The following SRGAP3 variants were observed in gnomAD, a reference collection of about 807,000 sequenced individuals.
The protein encoded by SRGAP3 is SLIT-ROBO Rho GTPase-activating protein 3.
A neutral mutation model predicts 121.1 loss-of-function variants in SRGAP3; 39 were observed. That is an observed-to-expected ratio of 0.32 (90% confidence interval 0.25 to 0.42). SRGAP3 has a LOEUF of 0.42. SRGAP3 is among the 10% of genes least tolerant of loss of function. SRGAP3 has a pLI of 1.00. For synonymous variants in SRGAP3, 601 were observed against 570.0 expected (o/e 1.05, Z -0.77); for missense variants, 1,213 against 1,470.6 (o/e 0.82, Z 2.86).
Position 9,053,090 on chromosome 3 carries a change from C to T in SRGAP3, c.1260G>A (p.Met420Ile), listed in dbSNP as rs2125163305. Residue 420 changes from methionine (M) to isoleucine (I), a missense_variant, in exon 9 of 22, where the codon ATG becomes ATA. Coordinates refer to ENST00000383836, the MANE Select transcript of SRGAP3 (RefSeq NM_014850.4). Reference sequence around the variant, plus strand: ...TCCTCTTGGCAATGTTGATCTTGCTCATGTAGGTCTCAGAGGCAGCCGACT... The same window carrying T: ...TCCTCTTGGCAATGTTGATCTTGCTTATGTAGGTCTCAGAGGCAGCCGACT... Reference protein sequence around the residue: ...SVKSAASETYMSKINIAKRRA... With the variant: ...SVKSAASETYISKINIAKRRA... 1 of 1,614,144 alleles carries T rather than the reference C, an allele frequency of 6.2e-7. No individual in the cohort carries two copies. Among genetic ancestry groups the T allele is most frequent in the Non-Finnish European group, 8.5e-7 (1 of 1,180,038 alleles).
chr3:9,261,545 G>A (rs772917154), intron 3 of SRGAP3, among the ~76,000 whole-genome samples: 4 of 151,796 alleles, frequency 2.6e-5, no homozygotes, highest in Non-Finnish European at 5.9e-5. Flanking sequence ...CAAGAACTTC[G>A]TGAAGCATAC....
chr3:9,057,872 C>T (rs564731913), intron 7 of SRGAP3, among the ~76,000 whole-genome samples: 34 of 152,154 alleles, frequency 2.2e-4, no homozygotes, highest in Non-Finnish European at 4.0e-4. Flanking sequence ...AGGAAGGGAG[C>T]GCCCTGGTGG....
chr3:9,079,205 A>G (rs1372972228), intron 4 of SRGAP3, among the ~76,000 whole-genome samples: 3 of 152,200 alleles, frequency 2.0e-5, no homozygotes, highest in African/African-American at 7.2e-5. Flanking sequence ...TATATAGGGC[A>G]CCTATCTATT....
intron 3 of SRGAP3, among the ~76,000 whole-genome samples, chr3:9,279,930 T>C (rs1954647839): frequency 6.6e-6 from 1 of 152,024 alleles, no homozygotes. Context: ...GGGGAGAAGT[T>C]TGGGGCTCAG....
chr3:9,015,726 C>T lies in SRGAP3; in HGVS notation c.1684G>A (p.Asp562Asn), dbSNP rs780734958. 2 of 1,614,156 alleles carry T rather than the reference C, an allele frequency of 1.2e-6. No individual in the cohort carries two copies. The highest frequency in any genetic ancestry group is 3.3e-5 in the Admixed American group (2 of 60,026). The change falls in exon 15 of 22, where the codon GAC becomes AAC. Residue 562 changes from aspartate to asparagine, a missense_variant. Asp to Asn is a conservative substitution (Grantham distance 23, BLOSUM62 1). This residue lies in a region of SRGAP3 where 793 missense variants were observed against 1,032.9 expected (regional missense o/e 0.77). Coordinates refer to ENST00000383836, the MANE Select transcript of SRGAP3 (RefSeq NM_014850.4). ...DIKNSFERGE[D>N]PLVDDQNERD... is the part of the protein sequence containing the mutation. The stretch of plus-strand genomic sequence containing the variant: ...TCATTTTGATCGTCCACAAGGGGGT[C>T]TTCACCTGAGTGGAAACAAGAGACG...
intron 1 of SRGAP3, among the ~76,000 whole-genome samples, chr3:9,356,533 C>T (rs1272023214): frequency 2.6e-5 from 4 of 151,778 alleles, no homozygotes; most frequent in Non-Finnish European, 5.9e-5. Flanking sequence ...CCACCACATC[C>T]GGCTAATTTT....
chr3:9,283,138 T>A (rs144139801), intron 3 of SRGAP3, among the ~76,000 whole-genome samples: 427 of 151,908 alleles, frequency 2.8e-3, no homozygotes, highest in African/African-American at 9.3e-3. Flanking sequence ...ACGGGGTTTC[T>A]CCATGTTGCC....
At chr3:9,180,842 A>T (rs909450310) in intron 1 of SRGAP3, among the ~76,000 whole-genome samples, 5 of 152,082 alleles carry the variant, frequency 3.3e-5, no homozygotes, top group African/African-American at 1.2e-4. Context: ...TGCAAATGCC[A>T]GCGAGTCTCT....
intron 2 of SRGAP3, among the ~76,000 whole-genome samples, chr3:9,108,230 C>T (rs1380264286): frequency 6.6e-6 from 1 of 152,088 alleles, no homozygotes; most frequent in African/African-American, 2.4e-5. Flanking sequence ...AGACCCAGGA[C>T]CCATCCAAGA....
chr3:9,352,679 T>C (rs1027642976), intron 1 of SRGAP3, among the ~76,000 whole-genome samples: 1 of 152,178 alleles, frequency 6.6e-6, no homozygotes, highest in Admixed American at 6.5e-5. Flanking sequence ...TAGCAATGCA[T>C]GTCTGTAGTT....
chr3:9,054,918 A>C (rs1560021688), intron 8 of SRGAP3, among the ~76,000 whole-genome samples: 1 of 152,226 alleles, frequency 6.6e-6, no homozygotes. Flanking sequence ...TCAGGTTCAA[A>C]ATTAAGCACA....
intron 6 of SRGAP3, chr3:9,059,774 A>C (rs1560037521): frequency 3.6e-6 from 1 of 276,696 alleles, no homozygotes; most frequent in Non-Finnish European, 7.1e-6. Flanking sequence ...TGTATAATTA[A>C]GTCTGTCTCA....
At chr3:9,159,153 G>C (rs1950522228) in intron 1 of SRGAP3, among the ~76,000 whole-genome samples, 1 of 152,030 alleles carries the variant, frequency 6.6e-6, no homozygotes. Context: ...CTAGAACCAA[G>C]GTGCTAACAC....
intron 1 of SRGAP3, among the ~76,000 whole-genome samples, chr3:9,149,591 T>G: frequency 6.6e-6 from 1 of 152,226 alleles, no homozygotes; most frequent in Middle Eastern, 3.2e-3. Context: ...TGTCTCTGTT[T>G]GCTCTTGCAC....
At chr3:9,134,297 A>C (rs1298427669) in intron 1 of SRGAP3, among the ~76,000 whole-genome samples, 6 of 152,158 alleles carry the variant, frequency 3.9e-5, no homozygotes, top group African/African-American at 1.4e-4. Flanking sequence ...CCTGGGATGG[A>C]GAGGCACCAC....
At chr3:9,318,710 CAA>C (rs535662345) in intron 3 of SRGAP3, among the ~76,000 whole-genome samples, 4 of 115,372 alleles carry the variant, frequency 3.5e-5, no homozygotes, top group African/African-American at 3.3e-5. Context: ...CCCATCTGTA[CAA>C]AAAAAAAAAA....
chr3:9,098,340 C>T lies in SRGAP3; in HGVS notation c.423+6340G>A, dbSNP rs112522887. ...GTCACCCAGTGCAATGCAGTGATCA[C>T]AGCTCACAGCAGCTTCAACTTCCTG... On this transcript the variant is annotated intron_variant, in intron 3 of 21. Coordinates refer to ENST00000383836, the MANE Select transcript of SRGAP3 (RefSeq NM_014850.4). 3.9e-5 allele frequency among the ~76,000 whole-genome samples: 6 copies of T among 152,342 alleles called. 1 individual carries two copies. Among genetic ancestry groups the T allele is most frequent in the African/African-American group, 1.4e-4 (6 of 41,582 alleles).
At chr3:9,148,378 A>G (rs886150758) in intron 1 of SRGAP3, among the ~76,000 whole-genome samples, 6 of 152,222 alleles carry the variant, frequency 3.9e-5, no homozygotes, top group African/African-American at 1.4e-4. Context: ...TCATGCAGGA[A>G]AAGAACATCT....
At chr3:9,329,071 G>C (rs182291190) in intron 2 of SRGAP3, among the ~76,000 whole-genome samples, 2 of 152,122 alleles carry the variant, frequency 1.3e-5, no homozygotes, top group African/African-American at 4.8e-5. Flanking sequence ...TCCTGAGCAC[G>C]AGTTTATGGG....
Sources: gnomAD v4.1 joint callset for allele counts (sites outside exome capture counted in the v4.1 genomes callset) on GRCh38, gnomAD v4.1.1 for gene constraint, gnomAD v4.1.1 regional missense constraint, MANE v1.5 for transcripts, NCBI Gene and HGNC (gene_info 2026-07-23, HGNC 2026-07-21) for gene names.